The following LPAR3 variants were observed in gnomAD, a reference collection of about 807,000 sequenced individuals.
The protein encoded by LPAR3 is lysophosphatidic acid receptor 3.
LPAR3 carries 7 observed loss-of-function variants against 17.8 expected under a neutral mutation model. The ratio of observed to expected loss-of-function variants is 0.39; its 90% CI spans 0.22 to 0.74. The LOEUF is 0.74. Ranked by LOEUF, LPAR3 falls within the 30% of genes least tolerant of loss-of-function variation. LPAR3 has a pLI of 0.40. For synonymous variants in LPAR3, 179 were observed against 179.9 expected (o/e 0.99, Z 0.04); for missense variants, 391 against 453.4 (o/e 0.86, Z 1.25).
intron 2 of LPAR3, among the ~76,000 whole-genome samples, chr1:84,849,115 G>A (rs991907685): frequency 1.3e-5 from 2 of 152,036 alleles, no homozygotes; most frequent in Non-Finnish European, 2.9e-5. Context: ...AGTGGCTCAC[G>A]CCTATAATCC....
At chr1:84,856,850 T>C (rs1001144590) in intron 2 of LPAR3, among the ~76,000 whole-genome samples, 2 of 152,212 alleles carry the variant, frequency 1.3e-5, no homozygotes, top group Admixed American at 6.5e-5. Context: ...TCATTTATAA[T>C]GTTTTATTCA....
At chr1:84,868,086 T>C (rs1660088446) in intron 1 of LPAR3, among the ~76,000 whole-genome samples, 1 of 152,136 alleles carries the variant, frequency 6.6e-6, no homozygotes, top group Non-Finnish European at 1.5e-5. Context: ...CTGATACATC[T>C]TGTGAAACTC....
chr1:84,849,406 A>G (rs1024812820), intron 2 of LPAR3, among the ~76,000 whole-genome samples: 4 of 151,454 alleles, frequency 2.6e-5, no homozygotes, highest in African/African-American at 7.3e-5. Context: ...AAGAAAGAAA[A>G]GTCCTGAACT....
Position 84,889,309 on chromosome 1 carries a change from G to A in LPAR3, c.-19+3707C>T, listed in dbSNP as rs1233422116. Among the ~76,000 whole-genome samples the A allele has an allele frequency of 3.3e-5, 5 of 152,200 alleles. 1 individual carries two copies. The highest frequency in any genetic ancestry group is 2.0e-4 in the Admixed American group (3 of 15,296). On this transcript the variant is annotated intron_variant, in intron 1 of 2. Coordinates refer to ENST00000370611, the MANE Select transcript of LPAR3 (RefSeq NM_012152.3). ...TTGGGGGTGGGGGAGCAATGCCTTT[G>A]GTCAGTTTAGAACTTTGCAGAGTAA...
At chr1:84,873,120 T>G (rs1352101663) in intron 1 of LPAR3, among the ~76,000 whole-genome samples, 1 of 152,104 alleles carries the variant, frequency 6.6e-6, no homozygotes, top group Non-Finnish European at 1.5e-5. Flanking sequence ...GGAGACATAA[T>G]GGCTAAATAG....
chr1:84,846,347 G>T (rs1210302921), intron 2 of LPAR3, among the ~76,000 whole-genome samples: 1 of 152,166 alleles, frequency 6.6e-6, no homozygotes, highest in Non-Finnish European at 1.5e-5. Context: ...CAATATTGCA[G>T]AACTGCATAC....
chr1:84,861,014 T>C (rs1383816161), intron 2 of LPAR3, among the ~76,000 whole-genome samples: 1 of 152,200 alleles, frequency 6.6e-6, no homozygotes, highest in African/African-American at 2.4e-5. Flanking sequence ...GCTAGAATTA[T>C]AGGCGTGAGC....
intron 2 of LPAR3, among the ~76,000 whole-genome samples, chr1:84,860,823 C>T (rs910091184): frequency 6.6e-6 from 1 of 150,922 alleles, no homozygotes; most frequent in African/African-American, 2.4e-5. Flanking sequence ...ACTGCAACCT[C>T]CACCTCCTGG....
At chr1:84,852,013 T>C (rs1025503967) in intron 2 of LPAR3, among the ~76,000 whole-genome samples, 5 of 151,308 alleles carry the variant, frequency 3.3e-5, no homozygotes, top group African/African-American at 1.2e-4. Context: ...AGGCGTGTAG[T>C]AGGATCTGAG....
chr1:84,865,375 T>C lies in LPAR3; in HGVS notation c.736+10A>G, dbSNP rs1380233783. 1.9e-6 allele frequency: 3 copies of C among 1,598,540 alleles called. No individual in the cohort carries two copies. Among genetic ancestry groups the C allele is most frequent in the Admixed American group, 3.4e-5 (2 of 58,898 alleles). The stretch of plus-strand genomic sequence containing the variant: ...TGGGAATGATGGCTTGCTTGGGTCC[T>C]CTTACCTACCTAAGACAGTCATCAC... On this transcript the variant is annotated intron_variant, in intron 2 of 2. Transcript: ENST00000370611.
At chr1:84,874,081 C>T (rs1323466385) in intron 1 of LPAR3, among the ~76,000 whole-genome samples, 2 of 152,120 alleles carry the variant, frequency 1.3e-5, no homozygotes, top group African/African-American at 2.4e-5. Context: ...AACTCAGACA[C>T]CTAAAATTGC....
chr1:84,851,737 A>G (rs1348239188), intron 2 of LPAR3, among the ~76,000 whole-genome samples: 3 of 152,210 alleles, frequency 2.0e-5, no homozygotes, highest in East Asian at 3.8e-4. Context: ...GACAGTGAGA[A>G]GCTTGGCATG....
intron 2 of LPAR3, 69 bp downstream of exon 2, chr1:84,865,316 A>G: frequency 8.0e-6 from 12 of 1,496,544 alleles, no homozygotes; most frequent in Non-Finnish European, 1.1e-5. Flanking sequence ...TGCCTGGTAC[A>G]CCACAGATGC....
intron 1 of LPAR3, 90 bp from the exon 2 acceptor site, chr1:84,866,228 C>T: frequency 9.9e-7 from 1 of 1,007,884 alleles, no homozygotes; most frequent in Non-Finnish European, 1.5e-6. Flanking sequence ...TTCTGGCTAA[C>T]TCCCATCAAG....
chr1:84,831,084 A>T (rs1659274622), intron 2 of LPAR3, among the ~76,000 whole-genome samples: 1 of 151,940 alleles, frequency 6.6e-6, no homozygotes, highest in Middle Eastern at 3.4e-3. Context: ...TTTGTAGTTT[A>T]AAAAAAAATT....
intron 2 of LPAR3, among the ~76,000 whole-genome samples, chr1:84,838,586 A>G (rs1055664723): frequency 3.9e-5 from 6 of 152,208 alleles, no homozygotes; most frequent in African/African-American, 1.2e-4. Context: ...TCTGATGGTG[A>G]TTACATCAGA....
chr1:84,826,617 C>CAA (rs5775801), intron 2 of LPAR3, among the ~76,000 whole-genome samples: 23 of 143,116 alleles, frequency 1.6e-4, no homozygotes, highest in African/African-American at 5.7e-4. Context: ...TGTTTTTAAC[C>CAA]AAAAAAAAAA....
In LPAR3 at chr1:84,821,050, T is replaced by C. The variant is rs994263345; in HGVS notation, c.737-6879A>G. On this transcript the variant is annotated intron_variant, in intron 2 of 2. Transcript: ENST00000370611. ...AATAAGTGTGTGAACTGGGCTGTGA[T>C]ACAAAATGTACACTATTTCTTACTG... 2.2e-4 allele frequency among the ~76,000 whole-genome samples: 33 copies of C among 150,602 alleles called. 1 individual carries two copies. Among genetic ancestry groups the C allele is most frequent in the African/African-American group, 7.5e-4 (31 of 41,118 alleles).
At chr1:84,822,183 T>C (rs1488069924) in intron 2 of LPAR3, among the ~76,000 whole-genome samples, 1 of 152,166 alleles carries the variant, frequency 6.6e-6, no homozygotes, top group Non-Finnish European at 1.5e-5. Flanking sequence ...AGGTCAGTTA[T>C]ATTGATAAGA....
Sources: gnomAD v4.1 joint callset for allele counts (sites outside exome capture counted in the v4.1 genomes callset) on GRCh38, gnomAD v4.1.1 for gene constraint, MANE v1.5 for transcripts, NCBI Gene and HGNC (gene_info 2026-07-23, HGNC 2026-07-21) for gene names.